Variants in LHFPL3 observed in about 807,000 individuals in gnomAD.
LHFPL3 encodes the protein LHFPL tetraspan subfamily member 3 protein.
LHFPL3 carries 5 observed loss-of-function variants against 19.3 expected under a neutral mutation model. The observed-to-expected ratio is 0.26, with a 90% confidence interval of 0.14 to 0.54. LHFPL3 has a LOEUF of 0.54. LHFPL3 is among the 20% of genes least tolerant of loss of function. The pLI is 0.94. For missense variants in LHFPL3, 249 were observed against 307.4 expected, an observed-to-expected ratio of 0.81 and a Z score of 1.42; for synonymous variants, 133 against 126.2, an observed-to-expected ratio of 1.05 and a Z score of -0.36.
At chr7:104,855,545 G>A (rs1160442841) in intron 2 of LHFPL3, among the ~76,000 whole-genome samples, 4 of 152,026 alleles carry the variant, frequency 2.6e-5, no homozygotes, top group Admixed American at 6.6e-5. Flanking sequence ...AAACAGATAT[G>A]CTCCTAGCTT....
chr7:104,641,251 T>C (rs1324642244), intron 1 of LHFPL3, among the ~76,000 whole-genome samples: 3 of 152,216 alleles, frequency 2.0e-5, no homozygotes, highest in Non-Finnish European at 4.4e-5. Context: ...TCACCAGCAA[T>C]GCACTTGAAA....
At chr7:104,496,462 T>G (rs1056143593) in intron 1 of LHFPL3, among the ~76,000 whole-genome samples, 3 of 152,180 alleles carry the variant, frequency 2.0e-5, no homozygotes, top group African/African-American at 7.2e-5. Flanking sequence ...CAGCATGATT[T>G]ATAATCCTTT....
intron 2 of LHFPL3, among the ~76,000 whole-genome samples, chr7:104,845,746 T>C (rs1266037320): frequency 6.6e-6 from 1 of 152,270 alleles, no homozygotes; most frequent in African/African-American, 2.4e-5. Context: ...TTTAGGATTC[T>C]AGGCATGTGT....
At chr7:104,714,388 G>A (rs1464662561) in intron 1 of LHFPL3, among the ~76,000 whole-genome samples, 1 of 151,728 alleles carries the variant, frequency 6.6e-6, no homozygotes, top group Non-Finnish European at 1.5e-5. Context: ...TTCACCATCT[G>A]GATAAATTGC....
chr7:104,881,597 G>A (rs542022556), intron 2 of LHFPL3, among the ~76,000 whole-genome samples: 1 of 152,222 alleles, frequency 6.6e-6, no homozygotes, highest in Non-Finnish European at 1.5e-5. Flanking sequence ...GGTTTCTTGA[G>A]ATGGAACCTA....
intron 1 of LHFPL3, among the ~76,000 whole-genome samples, chr7:104,367,708 G>A (rs1404853003): frequency 6.6e-6 from 1 of 152,186 alleles, no homozygotes; most frequent in African/African-American, 2.4e-5. Context: ...CAGTATTTTG[G>A]TTGGTTTGCT....
At position 104,844,785 on chromosome 7, in the gene LHFPL3, C is replaced by T. The variant is rs539901557; in HGVS notation, c.683-61402C>T. On this transcript the variant is annotated intron_variant, in intron 2 of 2. Transcript: ENST00000424859. ...AGACGCAATTTTGCTGTCACCCAGGCTGGAGTGCAGTGGCACAATCTCAGC... is the reference window on the plus strand; with the variant it reads ...AGACGCAATTTTGCTGTCACCCAGGTTGGAGTGCAGTGGCACAATCTCAGC... Among the ~76,000 whole-genome samples the T allele has an allele frequency of 2.0e-4, 30 of 152,302 alleles. 1 individual carries two copies. The South Asian group carries it at 4.8e-3, about 24-fold the overall frequency.
rs1398030482 is a variant in LHFPL3, at chr7:104,417,851, TTTCTAATTCTTC to T, written c.445+88632_445+88643del. ...ATTTTTACTGTTATTCGTATTTTCT[TTTCTAATTCTTC>T]TTCTTCTTCTTCTTCTTCTTCTTTT... On this transcript the variant is annotated intron_variant, in intron 1 of 2. Coordinates refer to ENST00000424859, the MANE Select transcript of LHFPL3 (RefSeq NM_199000.3). 1.1e-3 allele frequency among the ~76,000 whole-genome samples: 161 copies of T among 148,972 alleles called. 6 individuals are homozygous for T. In the East Asian group the frequency reaches 0.016, roughly 14 times the overall value.
At chr7:104,604,448 A>C (rs920717119) in intron 1 of LHFPL3, among the ~76,000 whole-genome samples, 12 of 152,076 alleles carry the variant, frequency 7.9e-5, no homozygotes, top group Non-Finnish European at 1.6e-4. Context: ...TCTTTCTCCC[A>C]TTGTCCTGTA....
chr7:104,768,934 A>G (rs1794504559), intron 2 of LHFPL3: 1 of 152,234 alleles, frequency 6.6e-6, no homozygotes. Context: ...TTCTCTGAAC[A>G]CCAGCTTAGT....
At chr7:104,386,755 T>C (rs947155802) in intron 1 of LHFPL3, among the ~76,000 whole-genome samples, 4 of 152,190 alleles carry the variant, frequency 2.6e-5, no homozygotes, top group African/African-American at 9.7e-5. Flanking sequence ...GTTCAATCAT[T>C]AGCTGACCTT....
chr7:104,585,103 C>T (rs1454209877), intron 1 of LHFPL3, among the ~76,000 whole-genome samples: 1 of 152,080 alleles, frequency 6.6e-6, no homozygotes, highest in Non-Finnish European at 1.5e-5. Context: ...GTCCTTCTCC[C>T]TACTCCCAGC....
At chr7:104,349,436 T>C (rs1390260724) in intron 1 of LHFPL3, among the ~76,000 whole-genome samples, 2 of 152,214 alleles carry the variant, frequency 1.3e-5, no homozygotes, top group Non-Finnish European at 2.9e-5. Context: ...AAATGAATTA[T>C]TCTGTATAAT....
At chr7:104,774,977 G>A (rs1199239961) in intron 2 of LHFPL3, among the ~76,000 whole-genome samples, 4 of 152,194 alleles carry the variant, frequency 2.6e-5, no homozygotes, top group Admixed American at 6.5e-5. Flanking sequence ...ACAGCAAATC[G>A]CTGGCTTTTG....
At chr7:104,902,622 A>G (rs1792511280) in intron 2 of LHFPL3, among the ~76,000 whole-genome samples, 1 of 152,014 alleles carries the variant, frequency 6.6e-6, no homozygotes. Flanking sequence ...CCCCATCTGT[A>G]CTAAAAATAA....
intron 1 of LHFPL3, among the ~76,000 whole-genome samples, chr7:104,728,612 G>A (rs916155499): frequency 1.3e-5 from 2 of 152,078 alleles, no homozygotes; most frequent in African/African-American, 4.8e-5. Context: ...GCCCCCTCAA[G>A]AGGCCTTACC....
rs564928880 is a variant in LHFPL3, at chr7:104,591,267, A to C, written c.446-145408A>C. ...TGGCTGGGACCAGTTGTTCCTTTCC[A>C]TGTTTAGTGCTTCCTTCATGAGCTC... is the stretch of plus-strand genomic sequence containing the variant. On this transcript the variant is annotated intron_variant, in intron 1 of 2. Transcript: ENST00000424859. Among the ~76,000 whole-genome samples, 4 of 152,088 alleles carry C rather than the reference A, an allele frequency of 2.6e-5. No homozygotes were observed. The East Asian group carries it at 7.7e-4, about 29-fold the overall frequency.
At chr7:104,586,789 G>A (rs759559444) in intron 1 of LHFPL3, among the ~76,000 whole-genome samples, 9 of 152,046 alleles carry the variant, frequency 5.9e-5, no homozygotes, top group South Asian at 2.1e-4. Flanking sequence ...CGTGTGCTAC[G>A]CCACACAAAT....
intron 1 of LHFPL3, among the ~76,000 whole-genome samples, chr7:104,412,936 A>G (rs371784850): frequency 6.6e-6 from 1 of 152,182 alleles, no homozygotes; most frequent in Non-Finnish European, 1.5e-5. Context: ...CCTGTTTACA[A>G]GGAAATTTGA....
Sources: allele counts gnomAD v4.1 joint callset (sites outside exome capture counted in the v4.1 genomes callset), GRCh38; gene constraint gnomAD v4.1.1; transcripts MANE v1.5; gene names NCBI Gene and HGNC (gene_info 2026-07-23, HGNC 2026-07-21).